The following ARHGEF15 variants were observed in gnomAD, a reference collection of about 807,000 sequenced individuals.
ARHGEF15 encodes Rho guanine nucleotide exchange factor 15, also known as Rho guanine nucleotide exchange factor (GEF) 15.
Under a neutral mutation model 79.7 loss-of-function variants are expected in ARHGEF15, and 58 were observed. The observed-to-expected ratio is 0.73, with a 90% CI of 0.59 to 0.91. The LOEUF is 0.91. Among genes scored for constraint, ARHGEF15 ranks in the 40% least tolerant of loss-of-function variants. The pLI is 0.00. For missense variants in ARHGEF15, 1,012 were observed against 1,108.1 expected (o/e 0.91, Z 1.23); for synonymous variants, 442 against 456.0 (o/e 0.97, Z 0.39).
Position 8,312,329 on chromosome 17 carries a change from C to A in ARHGEF15, c.290C>A (p.Thr97Asn), listed in dbSNP as rs1419523261. 4.4e-6 allele frequency: 7 copies of A among 1,582,930 alleles called. No individual in the cohort carries two copies. Among genetic ancestry groups the A allele is most frequent in the Non-Finnish European group, 6.0e-6 (7 of 1,164,706 alleles). The change falls in exon 2 of 16, where the codon ACC becomes AAC. Residue 97 changes from threonine to asparagine, a missense_variant. Physicochemically the swap from Thr to Asn is moderately conservative, Grantham distance 65. Transcript: ENST00000361926. ...SQTSPDSPSS[T>N]PTPSPVSRRS... ...ACTTCCCCAGACTCACCTTCCAGCA[C>A]CCCCACACCTAGTCCAGTGTCCCGG... is the stretch of plus-strand genomic sequence containing the variant.
Position 8,315,852 on chromosome 17 carries a change from T to C in ARHGEF15, c.1519T>C (p.Tyr507His). Reference protein sequence around the residue: ...HAHAVGPFSVYVDYVRNQQYQ... With the variant: ...HAHAVGPFSVHVDYVRNQQYQ... ...CCACGCTGTGGGGCCTTTCTCGGTG[T>C]ATGTGGATTATGTGCGGAACCAGCA... Residue 507 changes from tyrosine (Y) to histidine (H), a missense_variant, in exon 8 of 16, where the codon TAT (tyrosine) becomes CAT (histidine). Tyr to His is a moderately conservative substitution (Grantham distance 83, BLOSUM62 2). This residue lies in a region of ARHGEF15 where 818 missense variants were observed against 882.5 expected (regional missense o/e 0.93). Coordinates refer to ENST00000361926, the MANE Select transcript of ARHGEF15 (RefSeq NM_173728.4). The surrounding 1 kb of genome is among the most constrained non-coding windows in gnomAD (Gnocchi z 4.3). The C allele has an allele frequency of 1.2e-6, 2 of 1,611,804 alleles. No individual in the cohort carries two copies. Among genetic ancestry groups the C allele is most frequent in the Non-Finnish European group, 1.7e-6 (2 of 1,179,868 alleles).
intron 4 of ARHGEF15, among the ~76,000 whole-genome samples, chr17:8,314,446 A>G (rs1261128420): frequency 2.0e-5 from 3 of 152,108 alleles, no homozygotes; most frequent in African/African-American, 7.2e-5. Flanking sequence ...TTTGCAGTCC[A>G]TCACGTTGAG....
intron 9 of ARHGEF15, 86 bp downstream of exon 9, chr17:8,316,234 C>T: frequency 1.3e-6 from 2 of 1,511,792 alleles, no homozygotes; most frequent in East Asian, 4.7e-5. Flanking sequence ...CAGCTATCAC[C>T]ATGCACTACT....
chr17:8,316,461 C>G (rs888976882), intron 9 of ARHGEF15, among the ~76,000 whole-genome samples: 20 of 152,310 alleles, frequency 1.3e-4, no homozygotes, highest in Admixed American at 1.0e-3. Context: ...CCCTTCTGCT[C>G]GCTGGGTCTC....
rs113117010 is a variant in ARHGEF15 at position 8,311,991 on chromosome 17, G to C, written c.-49G>C. The C allele has an allele frequency of 6.8e-7, 1 of 1,476,582 alleles. No homozygotes were observed. Among genetic ancestry groups the C allele is most frequent in the East Asian group, 2.6e-5 (1 of 39,098 alleles). The allele number at this position is 1,476,582 out of a possible 1,614,324, so 91.5% of individuals were successfully genotyped here. A position where few individuals can be genotyped will look rare whatever the true frequency, so the allele number is the denominator to read the frequency against. Reference sequence around the variant, plus strand: ...TTCTCTTTCCCTCCCTCCTCCTCAGGGGATGACTCCAGCAGAGCACCTCAC... The same window carrying C: ...TTCTCTTTCCCTCCCTCCTCCTCAGCGGATGACTCCAGCAGAGCACCTCAC... On this transcript the variant is annotated splice_region_variant and 5_prime_UTR_variant, in exon 2 of 16. Transcript: ENST00000361926.
chr17:8,313,366 C>A (rs985462025), intron 3 of ARHGEF15, 112 bp downstream of exon 3: 4 of 1,489,506 alleles, frequency 2.7e-6, no homozygotes, highest in African/African-American at 2.8e-5. Context: ...CTCTTTGCTT[C>A]CCCACCAGCT....
chr17:8,316,205 C>G (rs975245982), intron 9 of ARHGEF15, 57 bp downstream of exon 9: 1 of 1,572,728 alleles, frequency 6.4e-7, no homozygotes, highest in Non-Finnish European at 8.6e-7. Flanking sequence ...AGAACTCTCC[C>G]GAGGGCTTCT....
Position 8,312,240 on chromosome 17 carries a change from T to G in ARHGEF15, c.201T>G (p.Ala67=), listed in dbSNP as rs1233552029. 7.0e-7 allele frequency: 1 copy of G among 1,426,696 alleles called. No individual in the cohort carries two copies. The highest frequency in any genetic ancestry group is 2.0e-5 in the Admixed American group (1 of 49,060). The allele number at this position is 1,426,696 out of a possible 1,614,324, so 88.4% of individuals were successfully genotyped here. Residue 67 remains alanine, a synonymous_variant, in exon 2 of 16, where the codon GCT becomes GCG. Coordinates refer to ENST00000361926, the MANE Select transcript of ARHGEF15 (RefSeq NM_173728.4). The part of the protein sequence containing the change: ...MCTPIFWEPP[A]ASLKPPALLP... ...CCCCCATCTTCTGGGAGCCCCCAGCTGCATCCCTCAAGCCCCCTGCTCTTT... is the reference window on the plus strand; with the variant it reads ...CCCCCATCTTCTGGGAGCCCCCAGCGGCATCCCTCAAGCCCCCTGCTCTTT...
Position 8,312,562 on chromosome 17 carries a change from C to T in ARHGEF15, c.523C>T (p.Leu175Phe), listed in dbSNP as rs1338187798. The change falls in exon 2 of 16, where the codon CTC becomes TTC. Residue 175 changes from leucine to phenylalanine, a missense_variant. Around this residue, in one of 3 missense-constraint regions of ARHGEF15, gnomAD observed 818 missense variants for 882.5 expected, o/e 0.93. Transcript: ENST00000361926. Reference sequence around the variant, plus strand: ...GGATGCAGATGCCCCGGAGCCAGGTCTCCAAGCGAGAGCAGATGTGAATGG... The same window carrying T: ...GGATGCAGATGCCCCGGAGCCAGGTTTCCAAGCGAGAGCAGATGTGAATGG... The part of the protein sequence containing the change: ...AQDADAPEPG[L>F]QARADVNGER... The T allele has an allele frequency of 6.2e-7, 1 of 1,609,322 alleles. No individual in the cohort carries two copies. The highest frequency in any genetic ancestry group is 1.7e-5 in the Admixed American group (1 of 59,532).
At chr17:8,320,125 A>C (rs927496283) in intron 15 of ARHGEF15, among the ~76,000 whole-genome samples, 14 of 152,234 alleles carry the variant, frequency 9.2e-5, no homozygotes, top group Admixed American at 3.9e-4. Flanking sequence ...GCACCTACAA[A>C]GTGCCACTCG....
intron 9 of ARHGEF15, among the ~76,000 whole-genome samples, chr17:8,317,079 G>C (rs555460135): frequency 6.6e-6 from 1 of 152,064 alleles, no homozygotes; most frequent in South Asian, 2.1e-4. Context: ...CACTGCACCC[G>C]GCCTAAGACA....
intron 9 of ARHGEF15, among the ~76,000 whole-genome samples, chr17:8,317,505 G>A (rs1905102271): frequency 6.6e-6 from 1 of 152,100 alleles, no homozygotes; most frequent in Non-Finnish European, 1.5e-5. Flanking sequence ...TAATAATAAT[G>A]ATACTAATCA....
rs144188003 is a variant in ARHGEF15 at position 8,313,986 on chromosome 17, G to A, written c.989+431G>A. 962 of 154,366 alleles carry A rather than the reference G, an allele frequency of 6.2e-3. 15 individuals carry two copies. The highest frequency in any genetic ancestry group is 0.022 in the African/African-American group (908 of 41,384). 9.6% of individuals were successfully genotyped at this position (154,366 alleles called of 1,614,324 possible). A position where few individuals can be genotyped will look rare whatever the true frequency, so the allele number is the denominator to read the frequency against. On this transcript the variant is annotated intron_variant, in intron 4 of 15. Transcript: ENST00000361926. The stretch of plus-strand genomic sequence containing the variant: ...ATGGAGGTTGCAGGGAGCCAAGAGC[G>A]TGCCACTGCACTCCAGCCTGGTCGA...
Position 8,315,320 on chromosome 17 carries a change from G to C in ARHGEF15, c.1260+43G>C, listed in dbSNP as rs1277524804. On this transcript the variant is annotated intron_variant, in intron 6 of 15. Transcript: ENST00000361926. The surrounding 1 kb of genome is among the most constrained non-coding windows in gnomAD (Gnocchi z 4.3). Reference sequence around the variant, plus strand: ...GAGATGGGAGGGGGGTGCTGGGGTTGGGCTGCATGGGTCAGGCATAGGGGA... The same window carrying C: ...GAGATGGGAGGGGGGTGCTGGGGTTCGGCTGCATGGGTCAGGCATAGGGGA... 1 of 1,611,216 alleles carries C rather than the reference G, an allele frequency of 6.2e-7. No individual in the cohort carries two copies. Among genetic ancestry groups the C allele is most frequent in the Middle Eastern group, 1.7e-4 (1 of 6,052 alleles).
At position 8,315,407 on chromosome 17, in the gene ARHGEF15, T is replaced by C; in HGVS notation, c.1261-7T>C. ...GGCTTCCCACGACTGCCTGCTTTTC[T>C]TTCTAGAGTCTTTTCGAGGTGGTGA... On this transcript the variant is annotated splice_polypyrimidine_tract_variant and splice_region_variant and intron_variant, in intron 6 of 15. Coordinates refer to ENST00000361926, the MANE Select transcript of ARHGEF15 (RefSeq NM_173728.4). This position sits in a 1 kb window ranked among gnomAD's most constrained non-coding sequence, Gnocchi z 4.3. The C allele has an allele frequency of 6.2e-7, 1 of 1,613,922 alleles. No individual in the cohort carries two copies. Among genetic ancestry groups the C allele is most frequent in the East Asian group, 2.2e-5 (1 of 44,866 alleles).
chr17:8,317,377 G>C (rs149218286), intron 9 of ARHGEF15, among the ~76,000 whole-genome samples: 1,953 of 152,216 alleles, frequency 0.013, 15 homozygotes, highest in Admixed American at 0.021. Context: ...TAGCATTATA[G>C]GTGTGAGCTA....
intron 4 of ARHGEF15, 49 bp from the exon 5 acceptor site, chr17:8,314,857 G>A (rs1258702565): frequency 1.2e-6 from 2 of 1,608,158 alleles, no homozygotes; most frequent in Admixed American, 3.4e-5. Context: ...CCCCTACGGT[G>A]GGCAGCAGTG....
chr17:8,313,455 G>A, intron 3 of ARHGEF15, 46 bp from the exon 4 acceptor site: 13 of 1,598,288 alleles, frequency 8.1e-6, no homozygotes, highest in Non-Finnish European at 1.1e-5. Flanking sequence ...TCCTGGCTGG[G>A]GATCCTGGAG....
chr17:8,315,181 C>A lies in ARHGEF15; in HGVS notation c.1164C>A (p.Pro388=), dbSNP rs551745696. The A allele has an allele frequency of 6.2e-7, 1 of 1,614,012 alleles. No individual in the cohort carries two copies. The highest frequency in any genetic ancestry group is 1.1e-5 in the South Asian group (1 of 91,076). The stretch of plus-strand genomic sequence containing the variant: ...GAGATGCACCCACCTTCCCACGACC[C>A]CCTGGACCTCGCAACACCCTGTGGC... ...NAGDAPTFPR[P]PGPRNTLWQE... is the part of the protein sequence containing the mutation. The change falls in exon 6 of 16, where the codon CCC becomes CCA. Residue 388 remains proline, a synonymous_variant. Coordinates refer to ENST00000361926, the MANE Select transcript of ARHGEF15 (RefSeq NM_173728.4). This position sits in a 1 kb window ranked among gnomAD's most constrained non-coding sequence, Gnocchi z 4.3.
Sources: allele counts gnomAD v4.1 joint callset (sites outside exome capture counted in the v4.1 genomes callset), GRCh38; gene constraint gnomAD v4.1.1; regional missense constraint gnomAD v4.1.1; non-coding constraint Gnocchi (gnomAD v3.1); transcripts MANE v1.5; gene names NCBI Gene and HGNC (gene_info 2026-07-23, HGNC 2026-07-21).